SHANK2: variants seen among roughly 807,000 people sequenced by gnomAD.
SHANK2 encodes the protein SH3 and multiple ankyrin repeat domains 2, also known as SH3 and multiple ankyrin repeat domains protein 2.
Under a neutral mutation model 133.7 loss-of-function variants are expected in SHANK2, and 43 were observed. The observed-to-expected ratio is 0.32, with a 90% CI of 0.25 to 0.41. SHANK2 has a LOEUF of 0.41. Ranked by LOEUF, SHANK2 falls within the 10% of genes least tolerant of loss-of-function variation. SHANK2 has a pLI of 1.00. For missense variants in SHANK2, 1,994 were observed against 2,235.8 expected (o/e 0.89, Z 2.18); for synonymous variants, 1,017 against 952.8 (o/e 1.07, Z -1.24).
chr11:70,659,417 AACTGCC>A (rs1457127902), intron 17 of SHANK2, among the ~76,000 whole-genome samples: 2 of 152,110 alleles, frequency 1.3e-5, no homozygotes, highest in Admixed American at 1.3e-4. Flanking sequence ...TCACGCCAGC[AACTGCC>A]ACACAAGAGT....
rs2058704496 is a variant in SHANK2, at chr11:70,479,450, T to G, written c.4979+5864A>C. Among the ~76,000 whole-genome samples, 1 of 152,164 alleles carries G rather than the reference T, an allele frequency of 6.6e-6. No individual in the cohort carries two copies. The highest frequency in any genetic ancestry group is 2.1e-4 in the South Asian group (1 of 4,824). On this transcript the variant is annotated intron_variant, in intron 25 of 25. Transcript: ENST00000601538. The surrounding 1 kb of genome is among the most constrained non-coding windows in gnomAD (Gnocchi z 4.4). ...GGCGCAGGGGCCTCGGGAGGAAAAC[T>G]CGCCTGAGCTCACATCCCAGGTAGC...
chr11:71,221,731 G>C (rs1033720472), intron 2 of SHANK2, among the ~76,000 whole-genome samples: 2 of 152,092 alleles, frequency 1.3e-5, no homozygotes, highest in African/African-American at 2.4e-5. Context: ...TACCCCTCGA[G>C]GGCAATTTTC....
At chr11:70,722,838 C>A (rs892066353) in intron 14 of SHANK2, among the ~76,000 whole-genome samples, 1 of 152,186 alleles carries the variant, frequency 6.6e-6, no homozygotes, top group African/African-American at 2.4e-5. Flanking sequence ...GCAGGACTTA[C>A]GACTTATGAG....
chr11:70,759,157 T>C (rs1007686028), intron 14 of SHANK2, among the ~76,000 whole-genome samples: 1 of 137,410 alleles, frequency 7.3e-6, no homozygotes, highest in East Asian at 2.4e-4. Flanking sequence ...AGAACAAGAC[T>C]CCATCACAAA....
Position 71,104,527 on chromosome 11 carries a change from TG to T in SHANK2, c.592+5413del, listed in dbSNP as rs567369205. 2.9e-3 allele frequency among the ~76,000 whole-genome samples: 436 copies of T among 152,348 alleles called. 2 individuals are homozygous for T. Among genetic ancestry groups the T allele is most frequent in the Non-Finnish European group, 5.4e-3 (365 of 68,034 alleles). On this transcript the variant is annotated intron_variant, in intron 6 of 25. Transcript: ENST00000601538. ...TGTCTTCCCTGGCAGCACTGGGCTC[TG>T]GCCTCTCGTTGGAACTTGCGTTTAG...
chr11:71,086,782 C>A (rs932718114), intron 8 of SHANK2, among the ~76,000 whole-genome samples: 1 of 152,058 alleles, frequency 6.6e-6, no homozygotes, highest in Non-Finnish European at 1.5e-5. Context: ...GTCCGCTGCT[C>A]CTGCAGGCCC....
chr11:71,207,885 A>C (rs1954160263), intron 2 of SHANK2, among the ~76,000 whole-genome samples: 1 of 152,110 alleles, frequency 6.6e-6, no homozygotes, highest in African/African-American at 2.4e-5. Flanking sequence ...GCTGGAGAGC[A>C]AAATGCCGAG....
chr11:71,149,849 G>C (rs1470920081), intron 2 of SHANK2, among the ~76,000 whole-genome samples: 1 of 123,180 alleles, frequency 8.1e-6, no homozygotes, highest in Non-Finnish European at 1.7e-5. Flanking sequence ...GGAGAAAGGA[G>C]GGAGGGAGGG....
At chr11:70,790,539 T>C (rs528901227) in intron 14 of SHANK2, among the ~76,000 whole-genome samples, 6 of 152,230 alleles carry the variant, frequency 3.9e-5, no homozygotes, top group Non-Finnish European at 7.3e-5. Context: ...AATTGAGGTT[T>C]CTTTGAGGAA....
At chr11:70,513,953 A>C (rs782740810) in intron 17 of SHANK2, among the ~76,000 whole-genome samples, 2 of 152,222 alleles carry the variant, frequency 1.3e-5, no homozygotes, top group Non-Finnish European at 2.9e-5. Context: ...AGTCATAAAA[A>C]ATACTTGAAA....
intron 14 of SHANK2, among the ~76,000 whole-genome samples, chr11:70,777,304 C>T (rs2135088507): frequency 6.6e-6 from 1 of 151,892 alleles, no homozygotes; most frequent in African/African-American, 2.4e-5. Flanking sequence ...CTCACCCACC[C>T]ATGCATCTAT....
intron 11 of SHANK2, among the ~76,000 whole-genome samples, chr11:70,840,166 G>T (rs1246503769): frequency 6.6e-6 from 1 of 152,214 alleles, no homozygotes; most frequent in Non-Finnish European, 1.5e-5. Flanking sequence ...AGCTTCCCAG[G>T]CAGTGAAAGC....
intron 15 of SHANK2, among the ~76,000 whole-genome samples, chr11:70,688,334 A>C (rs1945203073): frequency 6.6e-6 from 1 of 152,186 alleles, no homozygotes; most frequent in South Asian, 2.1e-4. Context: ...CAAGGTCCAA[A>C]GTCCCCAAGT....
At chr11:70,803,650 G>T (rs1044570853) in intron 13 of SHANK2, among the ~76,000 whole-genome samples, 2 of 152,060 alleles carry the variant, frequency 1.3e-5, no homozygotes, top group African/African-American at 4.8e-5. Flanking sequence ...CTCAGATGCA[G>T]GGACTTCGGG....
At chr11:70,568,646 G>T (rs1386736292) in intron 17 of SHANK2, among the ~76,000 whole-genome samples, 16 of 80,038 alleles carry the variant, frequency 2.0e-4, no homozygotes, top group East Asian at 3.2e-4. Context: ...GCGGATTCCT[G>T]CCCCCCCCGC....
At chr11:70,753,415 C>A (rs1364986451) in intron 14 of SHANK2, among the ~76,000 whole-genome samples, 1 of 152,008 alleles carries the variant, frequency 6.6e-6, no homozygotes, top group Non-Finnish European at 1.5e-5. Flanking sequence ...CCAAGATAGA[C>A]CACAGCCTGA....
chr11:71,059,382 G>T (rs1279158457), intron 9 of SHANK2, among the ~76,000 whole-genome samples: 3 of 152,140 alleles, frequency 2.0e-5, no homozygotes, highest in African/African-American at 7.2e-5. Flanking sequence ...TGGTGGTGAT[G>T]GTTGACGGTG....
chr11:71,075,244 T>A lies in SHANK2; in HGVS notation c.944A>T (p.Glu315Val). 4.0e-6 allele frequency: 1 copy of A among 249,584 alleles called. No homozygotes were observed. Among genetic ancestry groups the A allele is most frequent in the Admixed American group, 4.4e-5 (1 of 22,848 alleles). 15.5% of individuals were successfully genotyped at this position (249,584 alleles called of 1,614,324 possible). Residue 315 changes from glutamate (E) to valine (V), a missense_variant, in exon 9 of 26, where the codon GAG becomes GTG. Around this residue, in one of 5 missense-constraint regions of SHANK2, gnomAD observed 653 missense variants for 563.4 expected, o/e 1.16. Coordinates refer to ENST00000601538, the MANE Select transcript of SHANK2 (RefSeq NM_012309.5). ...ACRYGHVQHL[E>V]HLLFYGADMS... ...GTCTGCCCCGTAGAACAGCAGGTGC[T>A]CCAGGTGCTGCACGTGCCCGTACCT...
Position 70,597,003 on chromosome 11 carries a change from C to T in SHANK2, c.2061+62825G>A, listed in dbSNP as rs371755663. ...AGCTGCATACTTGTGCACCGGTGCT[C>T]GGGGGTGACTGGTCTATATCTGTTT... On this transcript the variant is annotated intron_variant, in intron 17 of 25. Coordinates refer to ENST00000601538, the MANE Select transcript of SHANK2 (RefSeq NM_012309.5). Among the ~76,000 whole-genome samples the T allele has an allele frequency of 7.2e-4, 109 of 151,882 alleles. 4 individuals are homozygous for T. In the South Asian group the frequency reaches 0.021, roughly 29 times the overall value.
Sources: allele counts gnomAD v4.1 joint callset (sites outside exome capture counted in the v4.1 genomes callset), GRCh38; gene constraint gnomAD v4.1.1; regional missense constraint gnomAD v4.1.1; non-coding constraint Gnocchi (gnomAD v3.1); transcripts MANE v1.5; gene names NCBI Gene and HGNC (gene_info 2026-07-23, HGNC 2026-07-21).